MAGI1: variants seen among roughly 807,000 people sequenced by gnomAD.
The protein encoded by MAGI1 is membrane-associated guanylate kinase, WW and PDZ domain-containing protein 1.
MAGI1 carries 58 observed loss-of-function variants against 139.9 expected under a neutral mutation model. The ratio of observed to expected loss-of-function variants is 0.41; its 90% confidence interval spans 0.34 to 0.52. The LOEUF (loss-of-function observed/expected upper bound fraction) is 0.52, where lower values mean the gene tolerates loss of function less well. MAGI1 is among the 20% of genes least tolerant of loss of function. The pLI, the probability that MAGI1 is intolerant of heterozygous loss-of-function variation, is 0.12. For synonymous variants in MAGI1, 812 were observed against 737.9 expected (o/e 1.10, Z -1.63); for missense variants, 1,874 against 1,901.6 (o/e 0.99, Z 0.27).
At chr3:65,364,766 G>A (rs910541179) in intron 19 of MAGI1, 41 bp from the exon 20 acceptor site, 2 of 1,607,916 alleles carry the variant, frequency 1.2e-6, no homozygotes, top group Admixed American at 3.3e-5. Context: ...CAACCCATTA[G>A]CAAACTGAGA....
chr3:65,692,822 C>T (rs186828969), intron 1 of MAGI1, among the ~76,000 whole-genome samples: 1 of 152,254 alleles, frequency 6.6e-6, no homozygotes, highest in Admixed American at 6.5e-5. Context: ...ATGTCCCGAG[C>T]CACCTTGGGA....
rs184322541 is a variant in MAGI1 at position 65,765,526 on chromosome 3, G to A, written c.314-143438C>T. Among the ~76,000 whole-genome samples, 893 of 152,296 alleles carry A rather than the reference G, an allele frequency of 5.9e-3. 8 individuals are homozygous for A. Among genetic ancestry groups the A allele is most frequent in the Middle Eastern group, 0.027 (8 of 294 alleles). On this transcript the variant is annotated intron_variant, in intron 1 of 22. Coordinates refer to ENST00000402939, the MANE Select transcript of MAGI1 (RefSeq NM_001033057.2). ...ACATTGAAGTCATTTATCCAAAGTC[G>A]TTTAGCTAGAGAGTTGGAAGAGTCA...
intron 5 of MAGI1, among the ~76,000 whole-genome samples, chr3:65,466,478 C>T (rs1030071046): frequency 6.6e-6 from 1 of 151,976 alleles, no homozygotes; most frequent in Non-Finnish European, 1.5e-5. Flanking sequence ...TCCTTCTTAC[C>T]GCTGGGTGGG....
chr3:65,954,636 G>A (rs1041425799), intron 1 of MAGI1: 2 of 152,254 alleles, frequency 1.3e-5, no homozygotes, highest in African/African-American at 2.4e-5. Context: ...GGCACGGCGG[G>A]GAAATGGCAG....
At chr3:65,546,196 C>T (rs1218138722) in intron 2 of MAGI1, among the ~76,000 whole-genome samples, 1 of 152,152 alleles carries the variant, frequency 6.6e-6, no homozygotes, top group Non-Finnish European at 1.5e-5. Context: ...GAACAATATT[C>T]ACTCCTTCAT....
intron 2 of MAGI1, among the ~76,000 whole-genome samples, chr3:65,566,368 A>G (rs980685371): frequency 1.3e-5 from 2 of 152,230 alleles, no homozygotes; most frequent in East Asian, 1.9e-4. Context: ...GGCTGTTAAC[A>G]TCAGAACATT....
intron 2 of MAGI1, among the ~76,000 whole-genome samples, chr3:65,621,015 G>GGT (rs1559727994): frequency 6.6e-6 from 1 of 150,560 alleles, no homozygotes; most frequent in African/African-American, 2.4e-5. Context: ...TCATTTGCAA[G>GGT]TTTTTTTTTT....
chr3:65,859,071 G>A (rs771236775), intron 1 of MAGI1, among the ~76,000 whole-genome samples: 14 of 152,272 alleles, frequency 9.2e-5, no homozygotes, highest in East Asian at 3.9e-4. Context: ...GGTGGCTTAC[G>A]CTTGTAATCC....
chr3:65,502,714 G>C (rs2077128907), intron 2 of MAGI1, among the ~76,000 whole-genome samples: 1 of 152,132 alleles, frequency 6.6e-6, no homozygotes, highest in Non-Finnish European at 1.5e-5. Flanking sequence ...TCTGACCTTT[G>C]GTTAATTAAC....
At chr3:65,671,510 A>T (rs1045450954) in intron 1 of MAGI1, among the ~76,000 whole-genome samples, 2 of 152,216 alleles carry the variant, frequency 1.3e-5, no homozygotes, top group African/African-American at 4.8e-5. Context: ...AAAGAAAGAA[A>T]GTAGGGAATT....
chr3:65,402,976 C>A (rs1945033137), intron 12 of MAGI1, among the ~76,000 whole-genome samples: 1 of 152,134 alleles, frequency 6.6e-6, no homozygotes. Context: ...GCAGTATTAA[C>A]AAAAATTCCA....
intron 1 of MAGI1, among the ~76,000 whole-genome samples, chr3:65,648,290 C>CATGTGTGT (rs111598871): frequency 6.8e-6 from 1 of 146,708 alleles, no homozygotes; most frequent in Non-Finnish European, 1.5e-5. Flanking sequence ...TACTACAGGC[C>CATGTGTGT]GTGTGTGTGT....
chr3:65,536,965 T>TGGACG (rs1473973299), intron 2 of MAGI1, among the ~76,000 whole-genome samples: 2 of 152,290 alleles, frequency 1.3e-5, no homozygotes, highest in East Asian at 3.9e-4. Flanking sequence ...GACGTTTTCA[T>TGGACG]TAGGTAAGCA....
At chr3:65,499,163 T>C (rs1289741754) in intron 2 of MAGI1, 1 of 371,336 alleles carries the variant, frequency 2.7e-6, no homozygotes, top group South Asian at 1.2e-4. Flanking sequence ...CTGTGGTCTC[T>C]AGGAAAAAAA....
At chr3:65,856,233 G>A (rs990913254) in intron 1 of MAGI1, among the ~76,000 whole-genome samples, 2 of 152,012 alleles carry the variant, frequency 1.3e-5, no homozygotes, top group African/African-American at 4.8e-5. Context: ...CATCGCCCTC[G>A]GGTTGGGGAG....
intron 4 of MAGI1, among the ~76,000 whole-genome samples, chr3:65,477,498 T>C (rs1371118230): frequency 6.6e-6 from 1 of 152,072 alleles, no homozygotes; most frequent in Non-Finnish European, 1.5e-5. Flanking sequence ...CTCTAAAATA[T>C]TAAAGGCAAT....
intron 1 of MAGI1, among the ~76,000 whole-genome samples, chr3:65,691,134 C>T (rs1309000675): frequency 3.3e-5 from 5 of 151,766 alleles, no homozygotes; most frequent in African/African-American, 7.3e-5. Context: ...AACCCCGTCT[C>T]TACTAAAAAT....
At chr3:65,753,858 T>C (rs942044962) in intron 1 of MAGI1, among the ~76,000 whole-genome samples, 1 of 151,948 alleles carries the variant, frequency 6.6e-6, no homozygotes, top group African/African-American at 2.4e-5. Flanking sequence ...AAAAGTAAAG[T>C]TGAAATTCTA....
At chr3:65,390,717 A>C (rs544928948) in intron 14 of MAGI1, among the ~76,000 whole-genome samples, 35 of 152,234 alleles carry the variant, frequency 2.3e-4, no homozygotes, top group Non-Finnish European at 5.9e-5. Flanking sequence ...TATTTTTAAA[A>C]ATCAAGAGAC....
Sources: gnomAD v4.1 joint callset for allele counts (sites outside exome capture counted in the v4.1 genomes callset) on GRCh38, gnomAD v4.1.1 for gene constraint, MANE v1.5 for transcripts, NCBI Gene and HGNC (gene_info 2026-07-23, HGNC 2026-07-21) for gene names.